Variants in PACS1 observed in about 807,000 individuals in gnomAD.
PACS1 encodes the protein phosphofurin acidic cluster sorting protein 1, also known as PACS-1.
In PACS1, 24 loss-of-function variants were observed where a neutral mutation model predicts 115.0. The ratio of observed to expected loss-of-function variants is 0.21; its 90% CI spans 0.15 to 0.29. The LOEUF (loss-of-function observed/expected upper bound fraction) is 0.29. PACS1 is among the 10% of genes least tolerant of loss of function. The pLI, the probability that PACS1 is intolerant of heterozygous loss-of-function variation, is 1.00. For synonymous variants in PACS1, 453 were observed against 504.5 expected, an observed-to-expected ratio of 0.90 and a Z score of 1.37; for missense variants, 838 against 1,251.2, an observed-to-expected ratio of 0.67 and a Z score of 4.98.
intron 1 of PACS1, among the ~76,000 whole-genome samples, chr11:66,150,001 G>A (rs488320): frequency 0.71 from 107,190 of 151,792 alleles, 39,424 homozygotes; most frequent in Non-Finnish European, 0.81. Context: ...CACCCGTCTC[G>A]GCCTCCCAAA....
intron 1 of PACS1, among the ~76,000 whole-genome samples, chr11:66,151,327 C>G (rs374932895): frequency 9.2e-5 from 14 of 151,852 alleles, no homozygotes; most frequent in African/African-American, 2.2e-4. Flanking sequence ...AAAGCTGAAG[C>G]CTTACTGGCT....
intron 7 of PACS1, 62 bp from the exon 8 acceptor site, chr11:66,219,684 A>G (rs1855297293): frequency 8.0e-7 from 1 of 1,251,472 alleles, no homozygotes; most frequent in Non-Finnish European, 1.2e-6. Context: ...GTGGGTGTTT[A>G]TTGACTTGAA....
intron 2 of PACS1, among the ~76,000 whole-genome samples, chr11:66,195,598 C>T (rs1478615832): frequency 6.6e-6 from 1 of 152,188 alleles, no homozygotes; most frequent in Non-Finnish European, 1.5e-5. Flanking sequence ...ATTTAAGATT[C>T]TATAATTCTA....
At position 66,187,619 on chromosome 11, in the gene PACS1, T is replaced by G. The variant is rs1447462552; in HGVS notation, c.357-5867T>G. Among the ~76,000 whole-genome samples the G allele has an allele frequency of 2.6e-5, 4 of 152,212 alleles. No homozygotes were observed. In the East Asian group the frequency reaches 7.7e-4, roughly 29 times the overall value. The stretch of plus-strand genomic sequence containing the variant: ...ACAATATTCTCAGTTCCATCCATGT[T>G]GCTGCAAATGACAGGATCTCACACT... On this transcript the variant is annotated intron_variant, in intron 1 of 23. Transcript: ENST00000320580.
chr11:66,201,888 G>C (rs1854808214), intron 2 of PACS1, among the ~76,000 whole-genome samples: 1 of 151,968 alleles, frequency 6.6e-6, no homozygotes, highest in Admixed American at 6.6e-5. Flanking sequence ...TGAACTCCCA[G>C]CCTCAGGTGA....
At chr11:66,238,589 C>G (rs1855749170) in intron 19 of PACS1, 2 of 523,476 alleles carry the variant, frequency 3.8e-6, no homozygotes, top group Admixed American at 6.5e-5. Context: ...AAACCTCCGC[C>G]TCTCAGGTTC....
chr11:66,101,604 A>G (rs1399043504), intron 1 of PACS1, among the ~76,000 whole-genome samples: 2 of 152,204 alleles, frequency 1.3e-5, no homozygotes, highest in Admixed American at 6.5e-5. Context: ...GAGGAGTGCT[A>G]GGTATTCCTG....
At chr11:66,240,404 C>G (rs1036012566) in intron 21 of PACS1, among the ~76,000 whole-genome samples, 1 of 152,188 alleles carries the variant, frequency 6.6e-6, no homozygotes, top group Non-Finnish European at 1.5e-5. Flanking sequence ...TCCCTTCCCC[C>G]ATTTCGCTGC....
intron 1 of PACS1, among the ~76,000 whole-genome samples, chr11:66,162,912 A>G (rs76426369): frequency 5.9e-5 from 9 of 152,346 alleles, no homozygotes; most frequent in Non-Finnish European, 1.3e-4. Flanking sequence ...GTATAATAAA[A>G]TGACCCTTTT....
At chr11:66,087,535 A>G (rs535110211) in intron 1 of PACS1, among the ~76,000 whole-genome samples, 3 of 152,358 alleles carry the variant, frequency 2.0e-5, no homozygotes, top group East Asian at 1.9e-4. Flanking sequence ...GAGCCAGCCA[A>G]GAACACTTGT....
At chr11:66,130,483 CTT>C (rs1193509020) in intron 1 of PACS1, among the ~76,000 whole-genome samples, 1 of 152,116 alleles carries the variant, frequency 6.6e-6, no homozygotes, top group African/African-American at 2.4e-5. Flanking sequence ...CTTTGTATCT[CTT>C]CTCCCATTCC....
intron 1 of PACS1, among the ~76,000 whole-genome samples, chr11:66,146,716 A>T (rs1335889131): frequency 2.6e-5 from 4 of 152,210 alleles, no homozygotes; most frequent in Non-Finnish European, 5.9e-5. Context: ...TAAGGGATCC[A>T]CACCTAGGCA....
intron 1 of PACS1, among the ~76,000 whole-genome samples, chr11:66,147,963 CCTT>C (rs1314616812): frequency 1.3e-5 from 2 of 151,786 alleles, no homozygotes; most frequent in Non-Finnish European, 2.9e-5. Flanking sequence ...AATATATACA[CCTT>C]CTATATACCC....
chr11:66,238,608 C>G, intron 19 of PACS1, 196 bp from the exon 20 acceptor site: 1 of 576,844 alleles, frequency 1.7e-6, no homozygotes, highest in Non-Finnish European at 3.1e-6. Flanking sequence ...TCAAGCGATT[C>G]TCCTATCTCA....
intron 1 of PACS1, among the ~76,000 whole-genome samples, chr11:66,095,749 C>T (rs1248381097): frequency 1.2e-4 from 19 of 152,132 alleles, no homozygotes; most frequent in South Asian, 4.1e-4. Context: ...TGAGCCACCA[C>T]GCCCGGCCTC....
chr11:66,215,467 G>T (rs1300706), intron 4 of PACS1, among the ~76,000 whole-genome samples: 11 of 152,094 alleles, frequency 7.2e-5, no homozygotes, highest in Non-Finnish European at 4.4e-5. Flanking sequence ...GCCAGGCATG[G>T]TGGTGTGTGC....
In PACS1 at chr11:66,235,412, G is replaced by T; in HGVS notation, c.2207+9G>T. ...ACTTGCCGGCATAAGTTGTAAGTTT[G>T]ACTTTGAGGGGTTTCTTAAAAATAG... On this transcript the variant is annotated intron_variant, in intron 18 of 23. Coordinates refer to ENST00000320580, the MANE Select transcript of PACS1 (RefSeq NM_018026.4). The surrounding 1 kb of genome is among the most constrained non-coding windows in gnomAD (Gnocchi z 5.6). The T allele has an allele frequency of 6.3e-7, 1 of 1,596,224 alleles. No homozygotes were observed. The highest frequency in any genetic ancestry group is 1.1e-5 in the South Asian group (1 of 90,694).
At chr11:66,203,666 A>G (rs887580132) in intron 2 of PACS1, among the ~76,000 whole-genome samples, 4 of 152,196 alleles carry the variant, frequency 2.6e-5, no homozygotes, top group African/African-American at 7.2e-5. Context: ...ACCTACACCA[A>G]TGGAAGAGAA....
intron 1 of PACS1, among the ~76,000 whole-genome samples, chr11:66,095,674 T>C (rs1857764432): frequency 6.6e-6 from 1 of 152,190 alleles, no homozygotes. Flanking sequence ...GCCAGGATGG[T>C]CTCGAACTCC....
Sources: allele counts gnomAD v4.1 joint callset (sites outside exome capture counted in the v4.1 genomes callset), GRCh38; gene constraint gnomAD v4.1.1; non-coding constraint Gnocchi (gnomAD v3.1); transcripts MANE v1.5; gene names NCBI Gene and HGNC (gene_info 2026-07-23, HGNC 2026-07-21).